The following ORC3 variants were observed in gnomAD, a reference collection of about 807,000 sequenced individuals.
The protein encoded by ORC3 is origin recognition complex subunit 3, also known as homolog of latheo, Drosophila.
Under a neutral mutation model 100.7 loss-of-function variants are expected in ORC3, and 78 were observed. The observed-to-expected ratio is 0.77, with a 90% CI of 0.65 to 0.94. ORC3 has a LOEUF of 0.94. Ranked by LOEUF, ORC3 falls within the 40% of genes least tolerant of loss-of-function variation. The pLI, the probability that ORC3 is intolerant of heterozygous loss-of-function variation, is 0.00. For synonymous variants in ORC3, 295 were observed against 289.3 expected (o/e 1.02, Z -0.20); for missense variants, 789 against 823.9 (o/e 0.96, Z 0.52).
chr6:87,651,055 C>A lies in ORC3; in HGVS notation c.1383-2061C>A, dbSNP rs548460228. ...AAGAGGACTAATAACTATTTGAATC[C>A]CTGGCAGTTTACATCTGAGTACCTT... is the stretch of plus-strand genomic sequence containing the variant. On this transcript the variant is annotated intron_variant, in intron 13 of 19. Transcript: ENST00000392844. The A allele has an allele frequency of 1.8e-5, 7 of 398,110 alleles. No homozygotes were observed. In the East Asian group the frequency reaches 5.1e-4, roughly 29 times the overall value. The allele number at this position is 398,110 out of a possible 1,614,324, so 24.7% of individuals were successfully genotyped here. A position where few individuals can be genotyped will look rare whatever the true frequency, so the allele number is the denominator to read the frequency against.
intron 13 of ORC3, among the ~76,000 whole-genome samples, chr6:87,641,966 T>A (rs1414386290): frequency 6.6e-6 from 1 of 152,152 alleles, no homozygotes; most frequent in East Asian, 1.9e-4. Flanking sequence ...TGATGTAGAT[T>A]TATCCATCCA....
chr6:87,651,776 A>T (rs1183218242), intron 13 of ORC3, among the ~76,000 whole-genome samples: 1 of 152,162 alleles, frequency 6.6e-6, no homozygotes, highest in Non-Finnish European at 1.5e-5. Context: ...CTTTCTCCCA[A>T]GTTAGCAATA....
At position 87,612,166 on chromosome 6, in the gene ORC3, C is replaced by T. The variant is rs1288865200; in HGVS notation, c.791C>T (p.Pro264Leu). ...TSPIIIHRLL[P>L]HAVSSLLCIE... is the part of the protein sequence containing the mutation. Reference sequence around the variant, plus strand: ...CCTATTATCATCCACCGATTGCTTCCTCATGCAGTATCATCTCTATTGTGC... The same window carrying T: ...CCTATTATCATCCACCGATTGCTTCTTCATGCAGTATCATCTCTATTGTGC... Residue 264 changes from proline (P) to leucine (L), a missense_variant, in exon 8 of 20, where the codon CCT becomes CTT. By Grantham distance (98) the Pro-to-Leu change is moderately conservative. Around this residue, in one of 3 missense-constraint regions of ORC3, gnomAD observed 399 missense variants for 382.0 expected, o/e 1.04. Coordinates refer to ENST00000392844, the MANE Select transcript of ORC3 (RefSeq NM_012381.4). 6.8e-6 allele frequency: 11 copies of T among 1,613,530 alleles called. No individual in the cohort carries two copies. In the East Asian group the frequency reaches 2.5e-4, roughly 36 times the overall value.
chr6:87,639,403 C>T (rs1768054811), intron 13 of ORC3, among the ~76,000 whole-genome samples: 1 of 152,192 alleles, frequency 6.6e-6, no homozygotes, highest in Admixed American at 6.5e-5. Context: ...GGCGATGCCT[C>T]CTACCTTCCC....
chr6:87,613,359 C>T (rs937566366), intron 8 of ORC3, among the ~76,000 whole-genome samples: 14 of 152,262 alleles, frequency 9.2e-5, no homozygotes, highest in East Asian at 3.9e-4. Flanking sequence ...ATTCAATTAC[C>T]GCCCACCAGG....
intron 13 of ORC3, among the ~76,000 whole-genome samples, chr6:87,641,737 T>A (rs542349950): frequency 6.6e-6 from 1 of 152,198 alleles, no homozygotes; most frequent in South Asian, 2.1e-4. Context: ...TCAGCTTTCA[T>A]TGAGTAAAAA....
chr6:87,598,417 C>T (rs756469247), intron 2 of ORC3, among the ~76,000 whole-genome samples: 33 of 152,268 alleles, frequency 2.2e-4, no homozygotes, highest in Non-Finnish European at 3.2e-4. Flanking sequence ...ATAACTTTCT[C>T]AATGTTATAA....
Position 87,590,151 on chromosome 6 carries a change from C to T in ORC3, c.-18C>T. 1.2e-6 allele frequency: 2 copies of T among 1,614,014 alleles called. No individual in the cohort carries two copies. Among genetic ancestry groups the T allele is most frequent in the Non-Finnish European group, 1.7e-6 (2 of 1,179,836 alleles). On this transcript the variant is annotated 5_prime_UTR_variant, in exon 1 of 20. The change creates a new upstream start codon in the 5' untranslated region. Transcript: ENST00000392844. ...GGAAATCCCGAGTGCATCTGGAATACGCAGAGTCAGTAAGACCATGGCTAC... is the reference window on the plus strand; with the variant it reads ...GGAAATCCCGAGTGCATCTGGAATATGCAGAGTCAGTAAGACCATGGCTAC...
At chr6:87,667,848 G>A (rs1030608923), downstream of ORC3, among the ~76,000 whole-genome samples, 15 of 152,070 alleles carry the variant, frequency 9.9e-5, no homozygotes, top group Non-Finnish European at 1.5e-4. Flanking sequence ...GGAATTGCTC[G>A]AACCCGGGAG....
chr6:87,610,594 C>T (rs1435682961), intron 7 of ORC3, among the ~76,000 whole-genome samples: 10 of 132,936 alleles, frequency 7.5e-5, no homozygotes, highest in South Asian at 6.6e-4. Context: ...TCGCCCAGGT[C>T]GGACTGCGGA....
chr6:87,664,710 AG>A, intron 17 of ORC3, 32 bp from the exon 18 acceptor site: 1 of 1,516,522 alleles, frequency 6.6e-7, no homozygotes, highest in Non-Finnish European at 9.2e-7. Context: ...AATTTATAAA[AG>A]TTAGTCATCT....
chr6:87,590,746 C>T (rs1030455098), intron 1 of ORC3, among the ~76,000 whole-genome samples: 4 of 151,668 alleles, frequency 2.6e-5, no homozygotes, highest in African/African-American at 9.7e-5. Flanking sequence ...AGGATTAGGG[C>T]GAGGAGGGCA....
chr6:87,634,238 C>CT (rs199984571), intron 11 of ORC3, among the ~76,000 whole-genome samples: 3,991 of 150,068 alleles, frequency 0.027, 82 homozygotes, highest in Non-Finnish European at 0.038. Flanking sequence ...TTTATTTATT[C>CT]TTTTTTTTTT....
intron 2 of ORC3, chr6:87,594,625 G>C: frequency 8.6e-7 from 1 of 1,157,806 alleles, no homozygotes; most frequent in Non-Finnish European, 1.1e-6. Context: ...TAAGTTGGAA[G>C]CAAATTTCCT....
chr6:87,656,501 G>A (rs1489875069), intron 14 of ORC3, among the ~76,000 whole-genome samples: 1 of 152,024 alleles, frequency 6.6e-6, no homozygotes, highest in Non-Finnish European at 1.5e-5. Context: ...GGCAGGAGAA[G>A]CACTTGAACT....
chr6:87,651,208 G>A, intron 13 of ORC3: 1 of 456,140 alleles, frequency 2.2e-6, no homozygotes, highest in Non-Finnish European at 4.4e-6. Context: ...CAGTTATTTG[G>A]AGCTCAAAGT....
intron 12 of ORC3, among the ~76,000 whole-genome samples, 183 bp from the exon 13 acceptor site, chr6:87,636,224 G>A (rs145355230): frequency 0.038 from 5,833 of 152,122 alleles, 164 homozygotes; most frequent in East Asian, 0.091. Flanking sequence ...GAGCCACCGC[G>A]CCTGGCCGTA....
chr6:87,590,543 T>C (rs1397889097), intron 1 of ORC3, among the ~76,000 whole-genome samples: 1 of 152,174 alleles, frequency 6.6e-6, no homozygotes, highest in Non-Finnish European at 1.5e-5. Flanking sequence ...AGATTCAGTT[T>C]CTGCAGTCAA....
rs754909172 is a variant in ORC3, at chr6:87,601,733, CTT to C, written c.80-50_80-49del. ...GTAACTTTGCACGTAAGATCTATAA[CTT>C]ATACTATTATATGAAAAAAGAAACT... On this transcript the variant is annotated intron_variant, in intron 2 of 19. Transcript: ENST00000392844. 3.7e-6 allele frequency: 4 copies of C among 1,082,464 alleles called. No homozygotes were observed. In the African/African-American group the frequency reaches 6.4e-5, roughly 17 times the overall value. 67.1% of individuals were successfully genotyped at this position (1,082,464 alleles called of 1,614,324 possible).
Sources: allele counts gnomAD v4.1 joint callset (sites outside exome capture counted in the v4.1 genomes callset), GRCh38; gene constraint gnomAD v4.1.1; regional missense constraint gnomAD v4.1.1; transcripts MANE v1.5; gene names NCBI Gene and HGNC (gene_info 2026-07-23, HGNC 2026-07-21).